The following TMC1 variants were observed in gnomAD, a reference collection of about 807,000 sequenced individuals.
The protein encoded by TMC1 is transmembrane channel-like protein 1.
In TMC1, 84 loss-of-function variants were observed where a neutral mutation model predicts 105.8. The ratio of observed to expected loss-of-function variants is 0.79; its 90% CI spans 0.67 to 0.95. The LOEUF (loss-of-function observed/expected upper bound fraction) is 0.95, where lower values mean the gene tolerates loss of function less well. TMC1 is among the 40% of genes least tolerant of loss of function. The pLI is 0.00. For synonymous variants in TMC1, 315 were observed against 311.5 expected, an observed-to-expected ratio of 1.01 and a Z score of -0.12; for missense variants, 817 against 914.1, an observed-to-expected ratio of 0.89 and a Z score of 1.37.
intron 1 of TMC1, among the ~76,000 whole-genome samples, chr9:72,556,656 T>C (rs143610493): frequency 3.1e-4 from 47 of 151,310 alleles, no homozygotes; most frequent in African/African-American, 1.1e-3. Context: ...CCATTTCTAC[T>C]GAAAATACAA....
intron 2 of TMC1, among the ~76,000 whole-genome samples, chr9:72,615,984 G>A (rs1015347082): frequency 6.6e-6 from 1 of 152,052 alleles, no homozygotes; most frequent in Non-Finnish European, 1.5e-5. Context: ...TTGACCTCAG[G>A]TGATTCCTCG....
At chr9:72,623,566 C>T (rs1411261172) in intron 3 of TMC1, among the ~76,000 whole-genome samples, 2 of 152,080 alleles carry the variant, frequency 1.3e-5, no homozygotes, top group Non-Finnish European at 2.9e-5. Context: ...GGACAGAATG[C>T]ACAAACTTTT....
rs557928105 is a variant in TMC1, at chr9:72,823,522, T to G, written c.2003+2441T>G. Among the ~76,000 whole-genome samples, 28 of 152,192 alleles carry G rather than the reference T, an allele frequency of 1.8e-4. No individual in the cohort carries two copies. The East Asian group carries it at 3.5e-3, about 19-fold the overall frequency. On this transcript the variant is annotated intron_variant, in intron 20 of 23. Coordinates refer to ENST00000297784, the MANE Select transcript of TMC1 (RefSeq NM_138691.3). The stretch of plus-strand genomic sequence containing the variant: ...TTCAGGTAAGATGGCTATAGTATAT[T>G]TATCCATTCAGTAAAGCAATTTGAT...
At chr9:72,798,122 C>G (rs994697735) in intron 17 of TMC1, among the ~76,000 whole-genome samples, 1 of 152,026 alleles carries the variant, frequency 6.6e-6, no homozygotes, top group African/African-American at 2.4e-5. Context: ...AATAAAACTT[C>G]ATATCACTGA....
chr9:72,753,063 G>T (rs1827608101), intron 11 of TMC1, among the ~76,000 whole-genome samples: 1 of 152,200 alleles, frequency 6.6e-6, no homozygotes, highest in South Asian at 2.1e-4. Context: ...TTATTAAGCT[G>T]ATCTAGGACT....
intron 5 of TMC1, among the ~76,000 whole-genome samples, chr9:72,683,688 G>T (rs1826325879): frequency 7.9e-6 from 1 of 126,708 alleles, no homozygotes. Context: ...AATATTAATA[G>T]TACAGACAGC....
intron 17 of TMC1, among the ~76,000 whole-genome samples, chr9:72,801,806 T>C (rs1445708351): frequency 6.6e-6 from 1 of 152,222 alleles, no homozygotes; most frequent in African/African-American, 2.4e-5. Flanking sequence ...TTGTTTGGAT[T>C]CTCTTTCTTT....
chr9:72,755,316 GT>G (rs1192317855), intron 12 of TMC1, among the ~76,000 whole-genome samples: 1 of 152,144 alleles, frequency 6.6e-6, no homozygotes, highest in Non-Finnish European at 1.5e-5. Flanking sequence ...GGAAAATCTT[GT>G]TGGATTCCTA....
At chr9:72,789,891 T>C (rs909711742) in intron 15 of TMC1, among the ~76,000 whole-genome samples, 3 of 152,176 alleles carry the variant, frequency 2.0e-5, no homozygotes, top group African/African-American at 7.2e-5. Flanking sequence ...CCATCTCCAT[T>C]TCCTCCTGTC....
At chr9:72,649,393 T>G (rs1217100344) in intron 5 of TMC1, among the ~76,000 whole-genome samples, 1 of 152,226 alleles carries the variant, frequency 6.6e-6, no homozygotes, top group East Asian at 1.9e-4. Flanking sequence ...TTTGCTTTTC[T>G]GTATAGACTG....
At chr9:72,569,351 G>A (rs1371675611) in intron 1 of TMC1, among the ~76,000 whole-genome samples, 1 of 151,782 alleles carries the variant, frequency 6.6e-6, no homozygotes, top group African/African-American at 2.4e-5. Context: ...ATCCACAAAT[G>A]TAGAACCCGG....
chr9:72,700,871 A>G (rs569630565), intron 8 of TMC1: 14 of 190,714 alleles, frequency 7.3e-5, no homozygotes, highest in South Asian at 1.3e-4. Flanking sequence ...CATGTATATC[A>G]TATTTCTGCA....
chr9:72,590,681 C>T (rs903448446), intron 2 of TMC1, among the ~76,000 whole-genome samples: 1 of 152,040 alleles, frequency 6.6e-6, no homozygotes, highest in Non-Finnish European at 1.5e-5. Flanking sequence ...GACATGAATC[C>T]AAGAGTCACC....
chr9:72,822,513 G>GT (rs1272686598), intron 20 of TMC1, among the ~76,000 whole-genome samples: 3 of 118,006 alleles, frequency 2.5e-5, no homozygotes, highest in African/African-American at 3.2e-5. Flanking sequence ...TGTTAATTCC[G>GT]TTGTGTGTGT....
intron 1 of TMC1, among the ~76,000 whole-genome samples, chr9:72,575,297 C>T (rs1824361689): frequency 1.3e-5 from 2 of 152,206 alleles, no homozygotes; most frequent in Admixed American, 1.3e-4. Flanking sequence ...TCTCCTGCCT[C>T]AGCCTCCCGA....
intron 2 of TMC1, among the ~76,000 whole-genome samples, chr9:72,609,439 G>C (rs2132118598): frequency 6.6e-6 from 1 of 152,046 alleles, no homozygotes; most frequent in East Asian, 1.9e-4. Flanking sequence ...ACTCAGAAGG[G>C]TGAGGTGGGC....
chr9:72,706,165 G>A (rs1338143478), intron 8 of TMC1, among the ~76,000 whole-genome samples: 1 of 152,086 alleles, frequency 6.6e-6, no homozygotes, highest in Non-Finnish European at 1.5e-5. Context: ...GGAGCTGTTG[G>A]GAAAACTTTG....
chr9:72,586,783 C>A (rs1476935150), intron 2 of TMC1, among the ~76,000 whole-genome samples: 1 of 152,194 alleles, frequency 6.6e-6, no homozygotes, highest in Non-Finnish European at 1.5e-5. Context: ...TACTTTTCTA[C>A]CTGCTCTCAC....
intron 1 of TMC1, among the ~76,000 whole-genome samples, chr9:72,559,098 CTT>C (rs1188064763): frequency 2.0e-4 from 28 of 142,256 alleles, no homozygotes; most frequent in Middle Eastern, 3.6e-3. Context: ...GAAGATTTTT[CTT>C]TTTTTTTTTT....
Sources: allele counts gnomAD v4.1 joint callset (sites outside exome capture counted in the v4.1 genomes callset), GRCh38; gene constraint gnomAD v4.1.1; transcripts MANE v1.5; gene names NCBI Gene and HGNC (gene_info 2026-07-23, HGNC 2026-07-21).